The following TMEM117 variants were observed in gnomAD, a reference collection of about 807,000 sequenced individuals.
TMEM117 encodes the protein transmembrane protein 117.
A neutral mutation model predicts 52.4 loss-of-function variants in TMEM117; 27 were observed. The ratio of observed to expected loss-of-function variants is 0.51; its 90% CI spans 0.38 to 0.71. The LOEUF (loss-of-function observed/expected upper bound fraction) is 0.71, where lower values mean the gene tolerates loss of function less well. Among genes scored for constraint, TMEM117 ranks in the 30% least tolerant of loss-of-function variants. The probability of loss-of-function intolerance (pLI) is 0.00; values close to 1 mark genes in which losing one functional copy is unlikely to be tolerated. For synonymous variants in TMEM117, 215 were observed against 206.3 expected (o/e 1.04, Z -0.36); for missense variants, 556 against 630.5 (o/e 0.88, Z 1.26).
chr12:43,828,932 G>C, the TMEM117 span, among the ~76,000 whole-genome samples: 2 of 151,964 alleles, frequency 1.3e-5, no homozygotes, highest in Admixed American at 1.3e-4. Flanking sequence ...TAATTAGAGC[G>C]TTGGGCATTG....
intron 6 of TMEM117, among the ~76,000 whole-genome samples, chr12:44,340,957 A>C (rs542141795): frequency 2.6e-5 from 4 of 151,884 alleles, no homozygotes; most frequent in Admixed American, 2.0e-4. Context: ...CCCATCTCTC[A>C]CCCTTCCAAG....
At chr12:44,360,301 C>G (rs927498889) in intron 6 of TMEM117, among the ~76,000 whole-genome samples, 19 of 151,964 alleles carry the variant, frequency 1.3e-4, no homozygotes, top group Non-Finnish European at 2.8e-4. Context: ...AAGATTAGGT[C>G]GGGCGCAGTG....
chr12:44,312,151 G>C (rs1174532036), intron 6 of TMEM117, among the ~76,000 whole-genome samples: 4 of 151,852 alleles, frequency 2.6e-5, no homozygotes, highest in Non-Finnish European at 5.9e-5. Flanking sequence ...ATGATCCTAT[G>C]AATGATCATA....
intron 5 of TMEM117, among the ~76,000 whole-genome samples, chr12:44,283,933 G>C (rs996736833): frequency 6.6e-6 from 1 of 152,118 alleles, no homozygotes; most frequent in African/African-American, 2.4e-5. Context: ...TCTTAGGATA[G>C]GGTGAATATG....
chr12:44,082,040 C>G (rs924188668), intron 3 of TMEM117, among the ~76,000 whole-genome samples: 2 of 151,502 alleles, frequency 1.3e-5, no homozygotes, highest in African/African-American at 4.8e-5. Context: ...AAATTATCAG[C>G]CAAATAATTG....
intron 3 of TMEM117, among the ~76,000 whole-genome samples, chr12:44,072,114 A>G (rs1947311045): frequency 6.6e-6 from 1 of 152,194 alleles, no homozygotes; most frequent in African/African-American, 2.4e-5. Context: ...AGTTATCTCC[A>G]ATGGAGACTT....
At chr12:43,825,266 T>C in the TMEM117 span, among the ~76,000 whole-genome samples, 1 of 152,202 alleles carries the variant, frequency 6.6e-6, no homozygotes, top group East Asian at 1.9e-4. Context: ...AAGCAGCTAT[T>C]TGGAACTATG....
intron 3 of TMEM117, among the ~76,000 whole-genome samples, chr12:44,130,382 A>C (rs1948394948): frequency 6.6e-6 from 1 of 152,178 alleles, no homozygotes; most frequent in South Asian, 2.1e-4. Flanking sequence ...TTCCCTCCAA[A>C]GTAATAACTA....
intron 2 of TMEM117, among the ~76,000 whole-genome samples, chr12:43,917,383 C>T (rs1466153347): frequency 6.6e-6 from 1 of 152,170 alleles, no homozygotes; most frequent in Non-Finnish European, 1.5e-5. Context: ...GCTAACTCAC[C>T]TTGAGTGCAT....
At chr12:43,886,167 T>G (rs1943990630) in intron 2 of TMEM117, among the ~76,000 whole-genome samples, 1 of 151,910 alleles carries the variant, frequency 6.6e-6, no homozygotes, top group Non-Finnish European at 1.5e-5. Context: ...TGGTGGAAAA[T>G]CCTGGAGACA....
intron 4 of TMEM117, among the ~76,000 whole-genome samples, chr12:44,152,495 A>G (rs1406983837): frequency 8.6e-6 from 1 of 116,864 alleles, no homozygotes; most frequent in East Asian, 2.7e-4. Context: ...ATTTTTATAT[A>G]TATAATTATA....
chr12:44,106,590 A>G (rs1472250727), intron 3 of TMEM117, among the ~76,000 whole-genome samples: 1 of 152,034 alleles, frequency 6.6e-6, no homozygotes, highest in Non-Finnish European at 1.5e-5. Context: ...GTATTTAACA[A>G]TAATATATTG....
chr12:44,122,813 G>C (rs1174497545), intron 3 of TMEM117, among the ~76,000 whole-genome samples: 1 of 152,146 alleles, frequency 6.6e-6, no homozygotes, highest in Non-Finnish European at 1.5e-5. Context: ...CCAGCCTATA[G>C]TTGATGGGCA....
intron 4 of TMEM117, among the ~76,000 whole-genome samples, chr12:44,175,194 A>G (rs1949101590): frequency 6.6e-6 from 1 of 152,210 alleles, no homozygotes; most frequent in East Asian, 1.9e-4. Flanking sequence ...CAGAGATTTC[A>G]GTTAGGAGTT....
In TMEM117 at chr12:44,228,368, T is replaced by G. The variant is rs952155162; in HGVS notation, c.608+16981T>G. The stretch of plus-strand genomic sequence containing the variant: ...ATTTTGTATGTGAGGGGCCTAATTA[T>G]AAATTTGACAAATAGTTTTTACCTG... On this transcript the variant is annotated intron_variant, in intron 5 of 7. Transcript: ENST00000266534. Among the ~76,000 whole-genome samples the G allele has an allele frequency of 4.6e-5, 7 of 152,240 alleles. No individual in the cohort carries two copies. The East Asian group carries it at 1.2e-3, about 25-fold the overall frequency.
chr12:43,983,543 C>A (rs1945794565), intron 3 of TMEM117, among the ~76,000 whole-genome samples: 1 of 95,402 alleles, frequency 1.0e-5, no homozygotes, highest in Non-Finnish European at 2.1e-5. Context: ...ACTTTTGCAC[C>A]AACCGTGTGT....
intron 2 of TMEM117, among the ~76,000 whole-genome samples, chr12:43,934,654 T>C (rs2137589096): frequency 6.6e-6 from 1 of 152,308 alleles, no homozygotes; most frequent in East Asian, 1.9e-4. Flanking sequence ...GTTAGTATTA[T>C]ATGAGATTGT....
At chr12:44,287,448 A>G (rs1038860588) in intron 5 of TMEM117, among the ~76,000 whole-genome samples, 2 of 152,158 alleles carry the variant, frequency 1.3e-5, no homozygotes, top group African/African-American at 2.4e-5. Flanking sequence ...CATCTTTTCC[A>G]CCATATTGGT....
At chr12:44,223,612 G>T (rs1490248974) in intron 5 of TMEM117, among the ~76,000 whole-genome samples, 1 of 152,052 alleles carries the variant, frequency 6.6e-6, no homozygotes, top group Non-Finnish European at 1.5e-5. Flanking sequence ...TCTCCAAATT[G>T]GCACTTCCTT....
Sources: gnomAD v4.1 joint callset for allele counts (sites outside exome capture counted in the v4.1 genomes callset) on GRCh38, gnomAD v4.1.1 for gene constraint, MANE v1.5 for transcripts, NCBI Gene and HGNC (gene_info 2026-07-23, HGNC 2026-07-21) for gene names.